SAMD13: variants seen among roughly 807,000 people sequenced by gnomAD.
SAMD13 encodes the protein sterile alpha motif domain containing 13.
SAMD13 carries 9 observed loss-of-function variants against 12.4 expected under a neutral mutation model. That is an observed-to-expected ratio of 0.72 (90% confidence interval 0.44 to 1.26). The LOEUF (loss-of-function observed/expected upper bound fraction) is 1.26. Ranked by LOEUF, SAMD13 falls within the 50% of genes most tolerant of loss-of-function variation. SAMD13 has a pLI of 0.00. For missense variants in SAMD13, 84 were observed against 119.6 expected (o/e 0.70, Z 1.39); for synonymous variants, 46 against 45.4 (o/e 1.01, Z -0.05).
chr1:84,305,364 T>C (rs1390102832), intron 2 of SAMD13, among the ~76,000 whole-genome samples: 1 of 152,166 alleles, frequency 6.6e-6, no homozygotes, highest in Admixed American at 6.5e-5. Context: ...TTTTCATATT[T>C]ATTGTATAGA....
At chr1:84,307,367 T>A (rs962972794) in intron 2 of SAMD13, among the ~76,000 whole-genome samples, 1 of 152,230 alleles carries the variant, frequency 6.6e-6, no homozygotes, top group African/African-American at 2.4e-5. Flanking sequence ...AGCTTTCATC[T>A]CTAGCAGTTC....
chr1:84,310,709 C>G (rs1163694326), intron 2 of SAMD13, among the ~76,000 whole-genome samples: 2 of 152,132 alleles, frequency 1.3e-5, no homozygotes, highest in African/African-American at 4.8e-5. Flanking sequence ...ATATTGATTT[C>G]AAAACTATGT....
At chr1:84,337,494 C>T (rs1479891819) in intron 3 of SAMD13, among the ~76,000 whole-genome samples, 1 of 152,198 alleles carries the variant, frequency 6.6e-6, no homozygotes, top group African/African-American at 2.4e-5. Flanking sequence ...ACATTGGTCC[C>T]TTTCAGCCAT....
intron 3 of SAMD13, among the ~76,000 whole-genome samples, chr1:84,346,314 G>A (rs564820074): frequency 6.6e-6 from 1 of 152,088 alleles, no homozygotes; most frequent in Middle Eastern, 3.4e-3. Flanking sequence ...CTATCATCTC[G>A]GAACTTTACT....
intron 2 of SAMD13, among the ~76,000 whole-genome samples, chr1:84,306,684 A>T (rs1340253700): frequency 1.4e-5 from 2 of 143,782 alleles, no homozygotes; most frequent in African/African-American, 5.1e-5. Context: ...GAGAGAAATT[A>T]GCCAGGTGTG....
At chr1:84,342,420 C>A (rs1035448700) in intron 3 of SAMD13, among the ~76,000 whole-genome samples, 11 of 152,084 alleles carry the variant, frequency 7.2e-5, no homozygotes, top group African/African-American at 2.7e-4. Context: ...GCAAAAAGAA[C>A]AAAGTTGGAG....
chr1:84,327,771 A>G (rs76850335), intron 3 of SAMD13, among the ~76,000 whole-genome samples: 89 of 152,340 alleles, frequency 5.8e-4, no homozygotes, highest in African/African-American at 2.1e-3. Context: ...TGGTAAAGCA[A>G]GTACAGGAAA....
At chr1:84,301,200 A>G (rs1678448488), upstream of SAMD13, among the ~76,000 whole-genome samples, 1 of 152,188 alleles carries the variant, frequency 6.6e-6, no homozygotes, top group Non-Finnish European at 1.5e-5. Flanking sequence ...TGCTTTCCTT[A>G]TTCTCACAAA....
At chr1:84,332,430 A>G (rs1377253677) in intron 3 of SAMD13, among the ~76,000 whole-genome samples, 1 of 152,140 alleles carries the variant, frequency 6.6e-6, no homozygotes, top group Admixed American at 6.6e-5. Context: ...AAGCCATTCT[A>G]ACTAGTGCAA....
chr1:84,315,220 A>T (rs1357102457), intron 2 of SAMD13, among the ~76,000 whole-genome samples: 1 of 152,044 alleles, frequency 6.6e-6, no homozygotes, highest in African/African-American at 2.4e-5. Flanking sequence ...CAGAAATTTT[A>T]TACCTGTTGA....
intron 3 of SAMD13, among the ~76,000 whole-genome samples, chr1:84,333,503 G>C (rs1010507544): frequency 2.6e-5 from 4 of 151,628 alleles, no homozygotes; most frequent in Non-Finnish European, 5.9e-5. Context: ...TGATTTGGCT[G>C]TCAGCTTAGG....
At chr1:84,313,816 G>A (rs74095536) in intron 2 of SAMD13, among the ~76,000 whole-genome samples, 2,198 of 152,122 alleles carry the variant, frequency 0.014, 51 homozygotes, top group African/African-American at 0.05. Context: ...TCATTTTGAA[G>A]CAAAGGCATA....
chr1:84,314,733 G>C (rs1678792377), intron 2 of SAMD13, among the ~76,000 whole-genome samples: 1 of 152,142 alleles, frequency 6.6e-6, no homozygotes, highest in African/African-American at 2.4e-5. Flanking sequence ...TATCCTAAAA[G>C]CCAGGGAAAC....
intron 2 of SAMD13, chr1:84,303,611 C>T (rs940718014): frequency 5.4e-6 from 1 of 184,404 alleles, no homozygotes; most frequent in African/African-American, 2.3e-5. Context: ...ATAGACAACA[C>T]AGAATGGGGG....
chr1:84,305,874 T>C (rs1678558957), intron 2 of SAMD13, among the ~76,000 whole-genome samples: 1 of 152,208 alleles, frequency 6.6e-6, no homozygotes, highest in South Asian at 2.1e-4. Context: ...TATGCCAATA[T>C]AACACTGTTT....
chr1:84,329,872 G>C (rs148570092), intron 3 of SAMD13, among the ~76,000 whole-genome samples: 3 of 152,322 alleles, frequency 2.0e-5, no homozygotes, highest in Admixed American at 2.0e-4. Flanking sequence ...CATGTGGTCT[G>C]TGTCATCAGG....
intron 2 of SAMD13, among the ~76,000 whole-genome samples, chr1:84,324,460 A>G (rs1679015028): frequency 6.6e-6 from 1 of 152,176 alleles, no homozygotes; most frequent in Non-Finnish European, 1.5e-5. Flanking sequence ...TATCCCTTTA[A>G]CTATCATAGT....
chr1:84,339,812 G>C (rs1194018341), intron 3 of SAMD13, among the ~76,000 whole-genome samples: 4 of 152,194 alleles, frequency 2.6e-5, no homozygotes, highest in Non-Finnish European at 5.9e-5. Flanking sequence ...TCTTCTAAGA[G>C]AGGAGACATC....
At chr1:84,323,081 G>A (rs891844909) in intron 2 of SAMD13, among the ~76,000 whole-genome samples, 3 of 152,138 alleles carry the variant, frequency 2.0e-5, no homozygotes, top group African/African-American at 7.2e-5. Context: ...TTTTCTGGGG[G>A]CACTTAAAAG....
Sources: gnomAD v4.1 joint callset for allele counts (sites outside exome capture counted in the v4.1 genomes callset) on GRCh38, gnomAD v4.1.1 for gene constraint, MANE v1.5 for transcripts, NCBI Gene and HGNC (gene_info 2026-07-23, HGNC 2026-07-21) for gene names.